PDE1C: variants seen among roughly 807,000 people sequenced by gnomAD.
PDE1C encodes phosphodiesterase 1C, also known as dual specificity calcium/calmodulin-dependent 3',5'-cyclic nucleotide phosphodiesterase 1C.
A neutral mutation model predicts 93.1 loss-of-function variants in PDE1C; 62 were observed. The ratio of observed to expected loss-of-function variants is 0.67; its 90% CI spans 0.54 to 0.82. The LOEUF is 0.82. PDE1C is among the 40% of genes least tolerant of loss of function. The pLI, the probability that PDE1C is intolerant of heterozygous loss-of-function variation, is 0.00. For missense variants in PDE1C, 742 were observed against 884.6 expected (o/e 0.84, Z 2.04); for synonymous variants, 325 against 310.1 (o/e 1.05, Z -0.50).
At chr7:31,720,903 A>G in the PDE1C span, among the ~76,000 whole-genome samples, 3 of 152,346 alleles carry the variant, frequency 2.0e-5, no homozygotes, top group East Asian at 5.8e-4. Context: ...TTTACCAAAC[A>G]CTACCTCTGA....
At chr7:31,956,160 C>T (rs1257202591) in intron 2 of PDE1C, among the ~76,000 whole-genome samples, 1 of 151,978 alleles carries the variant, frequency 6.6e-6, no homozygotes, top group African/African-American at 2.4e-5. Context: ...GTGGTGCGAT[C>T]TCGGCTCACT....
intron 9 of PDE1C, among the ~76,000 whole-genome samples, chr7:31,838,571 C>T (rs1583546503): frequency 1.3e-5 from 2 of 152,140 alleles, no homozygotes; most frequent in South Asian, 4.1e-4. Flanking sequence ...ACTGGGCATG[C>T]TGTACAGTTC....
chr7:32,340,275 A>C (rs535532116), intron 1 of PDE1C, among the ~76,000 whole-genome samples: 1 of 152,324 alleles, frequency 6.6e-6, no homozygotes, highest in East Asian at 1.9e-4. Flanking sequence ...AAGGAAATAA[A>C]GAGTTCCCAA....
chr7:32,093,375 A>G (rs1797578166), intron 3 of PDE1C, among the ~76,000 whole-genome samples: 1 of 152,154 alleles, frequency 6.6e-6, no homozygotes, highest in Non-Finnish European at 1.5e-5. Context: ...CCAAAATCCC[A>G]TTCCCTTTTG....
At chr7:32,361,149 A>G (rs1784130084) in intron 1 of PDE1C, among the ~76,000 whole-genome samples, 1 of 152,106 alleles carries the variant, frequency 6.6e-6, no homozygotes, top group Non-Finnish European at 1.5e-5. Context: ...AGCTTTGTAC[A>G]GTTGGGGAAG....
At chr7:31,743,190 T>G in the PDE1C span, among the ~76,000 whole-genome samples, 2 of 152,224 alleles carry the variant, frequency 1.3e-5, no homozygotes, top group Non-Finnish European at 2.9e-5. Flanking sequence ...GGGATCCTGC[T>G]AAGTCTTTGT....
At chr7:32,161,332 A>G (rs1584880276) in intron 3 of PDE1C, among the ~76,000 whole-genome samples, 1 of 152,270 alleles carries the variant, frequency 6.6e-6, no homozygotes, top group South Asian at 2.1e-4. Context: ...AGCACAGAGC[A>G]TCCTTGACAT....
intron 14 of PDE1C, among the ~76,000 whole-genome samples, chr7:31,821,507 C>A (rs1043372397): frequency 6.6e-6 from 1 of 152,062 alleles, no homozygotes; most frequent in African/African-American, 2.4e-5. Context: ...GAGAGTGTTT[C>A]TTTGCAGATG....
intron 3 of PDE1C, among the ~76,000 whole-genome samples, chr7:32,109,778 T>A (rs73689036): frequency 0.027 from 3,223 of 120,854 alleles, 118 homozygotes; most frequent in African/African-American, 0.13. Flanking sequence ...ATTTCATTTC[T>A]TTTCTTTTCT....
At chr7:32,246,324 C>G (rs1808951726) in intron 1 of PDE1C, among the ~76,000 whole-genome samples, 1 of 152,118 alleles carries the variant, frequency 6.6e-6, no homozygotes, top group African/African-American at 2.4e-5. Flanking sequence ...CAATCAGGCA[C>G]TGACTCTTAT....
chr7:31,822,742 C>A (rs1335033026), intron 14 of PDE1C, among the ~76,000 whole-genome samples: 1 of 152,128 alleles, frequency 6.6e-6, no homozygotes, highest in Non-Finnish European at 1.5e-5. Context: ...AAAAGCCTCA[C>A]AGTTGTGCCA....
At chr7:31,900,976 A>G (rs907709007) in intron 2 of PDE1C, among the ~76,000 whole-genome samples, 1 of 150,240 alleles carries the variant, frequency 6.7e-6, no homozygotes, top group Non-Finnish European at 1.5e-5. Context: ...TTCTTGATTT[A>G]AACAATTACA....
chr7:32,370,197 C>T (rs1340866340), intron 1 of PDE1C, among the ~76,000 whole-genome samples: 1 of 152,154 alleles, frequency 6.6e-6, no homozygotes, highest in Non-Finnish European at 1.5e-5. Context: ...CGCCTGTAAT[C>T]CCAGCACTTT....
At chr7:32,222,878 C>T (rs1025399084) in intron 1 of PDE1C, among the ~76,000 whole-genome samples, 13 of 152,158 alleles carry the variant, frequency 8.5e-5, no homozygotes, top group East Asian at 1.9e-4. Context: ...CCCTACTCGC[C>T]CCTCCCCACA....
chr7:31,715,119 T>C, the PDE1C span, among the ~76,000 whole-genome samples: 2 of 152,184 alleles, frequency 1.3e-5, no homozygotes, highest in Non-Finnish European at 2.9e-5. Context: ...AATTTTTGGG[T>C]TCCTCATGTA....
At chr7:31,845,723 G>A (rs1032372875) in intron 9 of PDE1C, among the ~76,000 whole-genome samples, 18 of 152,150 alleles carry the variant, frequency 1.2e-4, no homozygotes, top group African/African-American at 4.3e-4. Context: ...AGGCACAGTG[G>A]CTCATGCCTG....
intron 1 of PDE1C, among the ~76,000 whole-genome samples, chr7:32,233,600 C>T (rs1385763454): frequency 6.6e-6 from 1 of 151,964 alleles, no homozygotes; most frequent in Non-Finnish European, 1.5e-5. Flanking sequence ...TAGGACATTA[C>T]ATAATAATAA....
At chr7:32,054,996 G>A (rs1330913842) in intron 1 of PDE1C, among the ~76,000 whole-genome samples, 1 of 152,086 alleles carries the variant, frequency 6.6e-6, no homozygotes, top group Non-Finnish European at 1.5e-5. Context: ...CTCCTTCTGT[G>A]TGTCCCATAG....
At chr7:32,251,219 C>T (rs1809348755) in intron 1 of PDE1C, among the ~76,000 whole-genome samples, 2 of 152,154 alleles carry the variant, frequency 1.3e-5, no homozygotes, top group South Asian at 4.1e-4. Flanking sequence ...CACCTGCCAC[C>T]GGGGTGTCCA....
Sources: allele counts gnomAD v4.1 joint callset (sites outside exome capture counted in the v4.1 genomes callset), GRCh38; gene constraint gnomAD v4.1.1; transcripts MANE v1.5; gene names NCBI Gene and HGNC (gene_info 2026-07-23, HGNC 2026-07-21).